Variants in LMNTD1 observed in about 807,000 individuals in gnomAD.
LMNTD1 encodes lamin tail domain-containing protein 1.
LMNTD1 carries 35 observed loss-of-function variants against 50.9 expected under a neutral mutation model. That is an observed-to-expected ratio of 0.69 (90% CI 0.53 to 0.91). LMNTD1 has a LOEUF of 0.91. Among genes scored for constraint, LMNTD1 ranks in the 40% least tolerant of loss-of-function variants. LMNTD1 has a pLI of 0.00. For missense variants in LMNTD1, 470 were observed against 475.5 expected (o/e 0.99, Z 0.11); for synonymous variants, 153 against 161.9 (o/e 0.94, Z 0.42).
At chr12:25,617,760 G>A (rs1383236895) in intron 1 of LMNTD1, among the ~76,000 whole-genome samples, 2 of 152,164 alleles carry the variant, frequency 1.3e-5, no homozygotes, top group East Asian at 1.9e-4. Context: ...GCAATGCCAC[G>A]TGATACACAG....
rs1200391918 is a variant in LMNTD1 at position 25,486,306 on chromosome 12, TTGTC to T, written c.*23-9850_*23-9847del. Among the ~76,000 whole-genome samples the T allele has an allele frequency of 2.7e-5, 4 of 150,406 alleles. No homozygotes were observed. In the East Asian group the frequency reaches 7.8e-4, roughly 30 times the overall value. ...GTTCACTCATGATTTGGCTCTCTGT[TTGTC>T]TGTTGTTGGTGTATAAGAATGCTTG... On this transcript the variant is annotated intron_variant, in intron 9 of 9. Transcript: ENST00000458174.
chr12:25,601,070 T>C (rs551855656), intron 1 of LMNTD1, among the ~76,000 whole-genome samples: 9 of 152,018 alleles, frequency 5.9e-5, no homozygotes, highest in African/African-American at 2.2e-4. Flanking sequence ...AACAGATGAA[T>C]GGACAAAGAA....
intron 6 of LMNTD1, among the ~76,000 whole-genome samples, chr12:25,523,903 G>A (rs1047524578): frequency 7.9e-5 from 12 of 151,188 alleles, no homozygotes; most frequent in African/African-American, 2.9e-4. Context: ...AGAGCCTATT[G>A]AGAGGCAAGA....
At chr12:25,575,479 T>C (rs1271369282) in intron 1 of LMNTD1, among the ~76,000 whole-genome samples, 3 of 152,188 alleles carry the variant, frequency 2.0e-5, no homozygotes, top group African/African-American at 2.4e-5. Context: ...GATTGTACCA[T>C]GCATCCCAAT....
chr12:25,596,373 A>T (rs966417107), intron 1 of LMNTD1, among the ~76,000 whole-genome samples: 1 of 152,116 alleles, frequency 6.6e-6, no homozygotes, highest in African/African-American at 2.4e-5. Flanking sequence ...AAGATAATCC[A>T]CCATGATCAA....
At chr12:25,547,274 T>G (rs1319684213) in intron 3 of LMNTD1, 1 of 530,812 alleles carries the variant, frequency 1.9e-6, no homozygotes, top group Non-Finnish European at 2.4e-6. Context: ...TGTCTTGCAT[T>G]TAGACAGACT....
intron 9 of LMNTD1, among the ~76,000 whole-genome samples, chr12:25,477,977 G>A (rs914710128): frequency 8.5e-5 from 13 of 152,214 alleles, no homozygotes; most frequent in South Asian, 2.1e-4. Flanking sequence ...TCCAGCGCAG[G>A]ATAAAGATGT....
In LMNTD1 at chr12:25,553,245, G is replaced by T; in HGVS notation, c.-207C>A. ...GTGTAGCATTCACTGGAAGCAGCTT[G>T]AGAGGGCAGTAACTTGGCAAAGAGA... is the stretch of plus-strand genomic sequence containing the variant. On this transcript the variant is annotated 5_prime_UTR_variant, in exon 1 of 10. Coordinates refer to ENST00000458174, the MANE Select transcript of LMNTD1 (RefSeq NM_001145728.2). The T allele has an allele frequency of 6.8e-7, 1 of 1,475,666 alleles. No homozygotes were observed. 91.4% of individuals were successfully genotyped at this position (1,475,666 alleles called of 1,614,324 possible).
chr12:25,586,810 A>T (rs1487789437), intron 1 of LMNTD1, among the ~76,000 whole-genome samples: 1 of 152,204 alleles, frequency 6.6e-6, no homozygotes, highest in African/African-American at 2.4e-5. Flanking sequence ...AGTCAAGCCA[A>T]TCCTAACACT....
chr12:25,619,252 C>CTCTCTCTCTCTCTCTCTA (rs1374134268), intron 1 of LMNTD1, among the ~76,000 whole-genome samples: 3 of 84,442 alleles, frequency 3.6e-5, no homozygotes, highest in African/African-American at 1.5e-4. Flanking sequence ...CTCTCTCTCT[C>CTCTCTCTCTCTCTCTCTA]TATATATATA....
At chr12:25,547,146 A>C (rs552995643) in intron 3 of LMNTD1, 2 of 747,892 alleles carry the variant, frequency 2.7e-6, no homozygotes, top group Non-Finnish European at 3.3e-6. Flanking sequence ...TGATTCAAAT[A>C]CAATATAGTT....
chr12:25,624,691 C>A (rs1294361743), intron 1 of LMNTD1, among the ~76,000 whole-genome samples: 1 of 152,148 alleles, frequency 6.6e-6, no homozygotes, highest in Non-Finnish European at 1.5e-5. Flanking sequence ...TCTGAAGTTA[C>A]TATAGTTGTT....
At chr12:25,594,651 C>CAAAAAAAAAAAAAAAAAAAAAAAA (rs61299586) in intron 1 of LMNTD1, among the ~76,000 whole-genome samples, 2 of 69,902 alleles carry the variant, frequency 2.9e-5, no homozygotes, top group Non-Finnish European at 2.7e-5. Context: ...AACAGAAATA[C>CAAAAAAAAAAAAAAAAAAAAAAAA]AAAAAAAAAA....
At chr12:25,577,744 G>T (rs1945095420) in intron 1 of LMNTD1, among the ~76,000 whole-genome samples, 1 of 152,154 alleles carries the variant, frequency 6.6e-6, no homozygotes, top group Non-Finnish European at 1.5e-5. Flanking sequence ...GTGAGAGAGG[G>T]CATCCTTGTC....
chr12:25,486,654 CT>C (rs1938653503), intron 9 of LMNTD1, among the ~76,000 whole-genome samples: 2 of 150,300 alleles, frequency 1.3e-5, no homozygotes, highest in Admixed American at 1.3e-4. Flanking sequence ...TCATAGATAG[CT>C]CTTATCATTT....
chr12:25,570,761 T>C (rs1944756106), intron 1 of LMNTD1, among the ~76,000 whole-genome samples: 1 of 152,216 alleles, frequency 6.6e-6, no homozygotes, highest in Non-Finnish European at 1.5e-5. Context: ...TATAGGATAC[T>C]AAAAGAAACT....
chr12:25,636,802 C>T (rs1029183936), intron 1 of LMNTD1, among the ~76,000 whole-genome samples: 1 of 151,928 alleles, frequency 6.6e-6, no homozygotes, highest in Non-Finnish European at 1.5e-5. Flanking sequence ...TACTACTAAG[C>T]CATAAAAAGG....
At chr12:25,566,962 G>T (rs1033943433) in intron 1 of LMNTD1, among the ~76,000 whole-genome samples, 6 of 152,198 alleles carry the variant, frequency 3.9e-5, no homozygotes, top group Non-Finnish European at 5.9e-5. Context: ...GAAGAAATTG[G>T]GAGAATGCTA....
chr12:25,514,237 G>A (rs2136000842), intron 8 of LMNTD1, among the ~76,000 whole-genome samples: 1 of 152,260 alleles, frequency 6.6e-6, no homozygotes, highest in Middle Eastern at 3.4e-3. Flanking sequence ...ATAGGAGGGA[G>A]GTGGTACTAG....
Sources: allele counts gnomAD v4.1 joint callset (sites outside exome capture counted in the v4.1 genomes callset), GRCh38; gene constraint gnomAD v4.1.1; transcripts MANE v1.5; gene names NCBI Gene and HGNC (gene_info 2026-07-23, HGNC 2026-07-21).